CCDC93: variants seen among roughly 807,000 people sequenced by gnomAD.
CCDC93 encodes the protein coiled-coil domain-containing protein 93.
Under a neutral mutation model 108.2 loss-of-function variants are expected in CCDC93, and 61 were observed. That is an observed-to-expected ratio of 0.56 (90% CI 0.46 to 0.70). The LOEUF (loss-of-function observed/expected upper bound fraction) is 0.70, where lower values mean the gene tolerates loss of function less well. Ranked by LOEUF, CCDC93 falls within the 30% of genes least tolerant of loss-of-function variation. The probability of loss-of-function intolerance (pLI) is 0.00; values close to 1 mark genes in which losing one functional copy is unlikely to be tolerated. For missense variants in CCDC93, 685 were observed against 764.2 expected (o/e 0.90, Z 1.22); for synonymous variants, 276 against 260.4 (o/e 1.06, Z -0.58).
At chr2:117,952,234 C>T in intron 13 of CCDC93, 139 bp downstream of exon 13, 9 of 698,728 alleles carry the variant, frequency 1.3e-5, no homozygotes, top group South Asian at 9.7e-5. Context: ...GTCCTATGTC[C>T]TCAAAATGAC....
chr2:118,013,785 C>A (rs1341472177), intron 1 of CCDC93, among the ~76,000 whole-genome samples, 169 bp downstream of exon 1: 2 of 151,974 alleles, frequency 1.3e-5, no homozygotes, highest in African/African-American at 4.8e-5. Context: ...TGCAGGGGTA[C>A]CTGCTCCCCG....
chr2:117,971,477 G>T (rs1679760619), intron 11 of CCDC93, among the ~76,000 whole-genome samples: 1 of 152,170 alleles, frequency 6.6e-6, no homozygotes, highest in Admixed American at 6.5e-5. Flanking sequence ...AAACCAAAAA[G>T]AATGAAGACT....
In CCDC93 at chr2:117,931,103, G is replaced by A. The variant is rs139071247; in HGVS notation, c.1776C>T (p.Asn592=). Residue 592 remains asparagine (N), a synonymous_variant, in exon 23 of 24, where the codon AAC becomes AAT. Coordinates refer to ENST00000376300, the MANE Select transcript of CCDC93 (RefSeq NM_019044.5). ...TTTCTAACAGCTCCAAGTACTGGTC[G>A]TTCAACTGGTCTCTTCTCATTTTGT... ...QENKMRRDQL[N]DQYLELLEKQ... The A allele has an allele frequency of 1.9e-5, 31 of 1,613,746 alleles. No individual in the cohort carries two copies. The highest frequency in any genetic ancestry group is 2.7e-5 in the African/African-American group (2 of 74,890).
intron 4 of CCDC93, chr2:117,997,305 AG>A (rs1266799954): frequency 6.6e-6 from 1 of 152,226 alleles, no homozygotes; most frequent in Non-Finnish European, 1.5e-5. Flanking sequence ...AAGGGTGTAA[AG>A]TGTAAAAAGA....
At chr2:117,967,120 A>C (rs1406078517) in intron 11 of CCDC93, among the ~76,000 whole-genome samples, 1 of 152,096 alleles carries the variant, frequency 6.6e-6, no homozygotes, top group Non-Finnish European at 1.5e-5. Flanking sequence ...CAGCCTCCCA[A>C]GTAGCTGGGA....
chr2:117,975,161 C>G (rs780321963), intron 9 of CCDC93, 27 bp downstream of exon 9: 7 of 1,585,764 alleles, frequency 4.4e-6, no homozygotes, highest in Non-Finnish European at 6.1e-6. Flanking sequence ...ACACAGAAAC[C>G]TCAGAGGGCC....
intron 11 of CCDC93, among the ~76,000 whole-genome samples, chr2:117,971,868 A>C: frequency 6.6e-6 from 1 of 152,268 alleles, no homozygotes; most frequent in East Asian, 1.9e-4. Context: ...AAGGCAATTT[A>C]ATTTTGAAAA....
intron 1 of CCDC93, among the ~76,000 whole-genome samples, chr2:118,010,437 T>G (rs1480231361): frequency 6.6e-6 from 1 of 152,194 alleles, no homozygotes; most frequent in Non-Finnish European, 1.5e-5. Context: ...AAAACACCAA[T>G]AAGATATCCT....
chr2:117,957,653 A>T (rs1679261384), intron 12 of CCDC93, among the ~76,000 whole-genome samples: 2 of 152,198 alleles, frequency 1.3e-5, no homozygotes, highest in Non-Finnish European at 2.9e-5. Context: ...TGTTGATCAG[A>T]CACTGCCAAC....
At chr2:117,993,812 C>T (rs984205213) in intron 6 of CCDC93, among the ~76,000 whole-genome samples, 2 of 152,234 alleles carry the variant, frequency 1.3e-5, no homozygotes, top group South Asian at 2.1e-4. Context: ...TGGCTCACTG[C>T]TACCTCTGCC....
intron 11 of CCDC93, among the ~76,000 whole-genome samples, chr2:117,968,798 GA>G (rs201655621): frequency 1.3e-5 from 2 of 149,450 alleles, no homozygotes; most frequent in African/African-American, 4.9e-5. Flanking sequence ...TCTTCATAAA[GA>G]AAAAAAAAAT....
chr2:118,003,436 A>G (rs1188000069), intron 3 of CCDC93, among the ~76,000 whole-genome samples: 1 of 152,202 alleles, frequency 6.6e-6, no homozygotes, highest in African/African-American at 2.4e-5. Flanking sequence ...GTTTTGCTCA[A>G]TGCAGGTCCC....
At chr2:117,941,075 G>T in intron 19 of CCDC93, 114 bp downstream of exon 19, 2 of 725,266 alleles carry the variant, frequency 2.8e-6, no homozygotes, top group Non-Finnish European at 4.7e-6. Flanking sequence ...GAGCTTTCCG[G>T]TGGTGGCCTT....
At chr2:117,935,290 T>C (rs531709212) in intron 22 of CCDC93, among the ~76,000 whole-genome samples, 1 of 152,234 alleles carries the variant, frequency 6.6e-6, no homozygotes, top group South Asian at 2.1e-4. Flanking sequence ...AACAGCAACT[T>C]TTGAACCCCT....
chr2:117,972,751 T>G (rs1327521333), intron 11 of CCDC93, among the ~76,000 whole-genome samples: 1 of 152,178 alleles, frequency 6.6e-6, no homozygotes, highest in Non-Finnish European at 1.5e-5. Context: ...GTTAATACTG[T>G]TTCCATAATT....
chr2:117,978,510 A>C (rs1255878495), intron 7 of CCDC93, among the ~76,000 whole-genome samples: 1 of 152,184 alleles, frequency 6.6e-6, no homozygotes, highest in African/African-American at 2.4e-5. Context: ...CACAACCTTA[A>C]ATTAAAAAAA....
intron 23 of CCDC93, among the ~76,000 whole-genome samples, chr2:117,920,906 G>C (rs1677838797): frequency 6.6e-6 from 1 of 152,162 alleles, no homozygotes; most frequent in Non-Finnish European, 1.5e-5. Context: ...TAATGGGGCC[G>C]GGCGCAGTGG....
chr2:118,005,879 G>C (rs1220953279), intron 3 of CCDC93, among the ~76,000 whole-genome samples: 1 of 152,062 alleles, frequency 6.6e-6, no homozygotes, highest in Non-Finnish European at 1.5e-5. Context: ...AAAGTAAATT[G>C]CAACATTCCT....
chr2:117,927,297 G>A (rs184268724), intron 23 of CCDC93, among the ~76,000 whole-genome samples: 8,161 of 152,130 alleles, frequency 0.054, 293 homozygotes, highest in Non-Finnish European at 0.082. Flanking sequence ...AGGAAATAAA[G>A]GGTATTCAAT....
Sources: allele counts gnomAD v4.1 joint callset (sites outside exome capture counted in the v4.1 genomes callset), GRCh38; gene constraint gnomAD v4.1.1; transcripts MANE v1.5; gene names NCBI Gene and HGNC (gene_info 2026-07-23, HGNC 2026-07-21).